The following CDK14 variants were observed in gnomAD, a reference collection of about 807,000 sequenced individuals.
CDK14 encodes cyclin dependent kinase 14.
In CDK14, 34 loss-of-function variants were observed where a neutral mutation model predicts 60.7. The ratio of observed to expected loss-of-function variants is 0.56; its 90% CI spans 0.43 to 0.75. The LOEUF (loss-of-function observed/expected upper bound fraction) is 0.75, where lower values mean the gene tolerates loss of function less well. Among genes scored for constraint, CDK14 ranks in the 30% least tolerant of loss-of-function variants. CDK14 has a pLI of 0.00. For missense variants in CDK14, 482 were observed against 564.1 expected, an observed-to-expected ratio of 0.85 and a Z score of 1.47; for synonymous variants, 197 against 203.7, an observed-to-expected ratio of 0.97 and a Z score of 0.28.
intron 2 of CDK14, among the ~76,000 whole-genome samples, chr7:90,663,987 C>G (rs2116511051): frequency 6.6e-6 from 1 of 151,974 alleles, no homozygotes; most frequent in South Asian, 2.1e-4. Context: ...AAAGAAACTA[C>G]CATCAGAGTG....
chr7:90,910,178 T>C (rs1792846694), intron 7 of CDK14, among the ~76,000 whole-genome samples: 1 of 152,216 alleles, frequency 6.6e-6, no homozygotes, highest in Non-Finnish European at 1.5e-5. Flanking sequence ...TTTATATCTC[T>C]GTATAACCGT....
chr7:91,147,368 T>TA (rs945214206), intron 14 of CDK14, among the ~76,000 whole-genome samples: 21 of 152,154 alleles, frequency 1.4e-4, no homozygotes, highest in African/African-American at 5.1e-4. Flanking sequence ...TAGTTACTTT[T>TA]AACACTTCTC....
chr7:90,850,542 A>G (rs1790615719), intron 5 of CDK14, among the ~76,000 whole-genome samples: 1 of 152,176 alleles, frequency 6.6e-6, no homozygotes, highest in Non-Finnish European at 1.5e-5. Context: ...TTCCAAAGAA[A>G]ATGATAACTA....
chr7:90,935,798 C>G (rs1793735336), intron 8 of CDK14, among the ~76,000 whole-genome samples: 2 of 152,114 alleles, frequency 1.3e-5, no homozygotes, highest in African/African-American at 4.8e-5. Flanking sequence ...CCTGTAATCC[C>G]AGTGCTTTGG....
chr7:90,604,748 C>T (rs985863957), intron 2 of CDK14, among the ~76,000 whole-genome samples: 8 of 152,162 alleles, frequency 5.3e-5, no homozygotes, highest in Non-Finnish European at 5.9e-5. Flanking sequence ...ATCTACTTGC[C>T]ACAAAGTAGT....
At chr7:90,850,606 A>G (rs1790618356) in intron 5 of CDK14, among the ~76,000 whole-genome samples, 1 of 152,184 alleles carries the variant, frequency 6.6e-6, no homozygotes, top group Admixed American at 6.5e-5. Context: ...GCTGTGGAAG[A>G]GGGAACAGAA....
At chr7:90,609,100 C>T (rs1385507583) in intron 2 of CDK14, among the ~76,000 whole-genome samples, 2 of 152,136 alleles carry the variant, frequency 1.3e-5, no homozygotes, top group African/African-American at 4.8e-5. Context: ...CATCGCGGCT[C>T]ACTGCAGCCT....
intron 7 of CDK14, among the ~76,000 whole-genome samples, chr7:90,900,592 C>T (rs1792476293): frequency 6.6e-6 from 1 of 152,104 alleles, no homozygotes; most frequent in African/African-American, 2.4e-5. Flanking sequence ...GCTTTGAAAT[C>T]AATAGTACAA....
intron 9 of CDK14, among the ~76,000 whole-genome samples, chr7:90,981,285 T>C (rs1351157466): frequency 2.6e-5 from 4 of 152,342 alleles, no homozygotes; most frequent in Middle Eastern, 3.4e-3. Context: ...TCTAATATCT[T>C]AATAAAATAA....
chr7:91,051,452 C>T (rs753112576), intron 11 of CDK14, among the ~76,000 whole-genome samples: 53 of 152,088 alleles, frequency 3.5e-4, no homozygotes, highest in Admixed American at 2.9e-3. Context: ...TTTCCCTTAC[C>T]CTCAGGGTTC....
chr7:91,063,036 A>G (rs1243457345), intron 11 of CDK14, among the ~76,000 whole-genome samples: 1 of 152,222 alleles, frequency 6.6e-6, no homozygotes, highest in Non-Finnish European at 1.5e-5. Flanking sequence ...ACCACTGTTT[A>G]TGCAAACTGT....
rs1015164394 is a variant in CDK14, at chr7:91,032,892, T to C, written c.1042-13005T>C. Among the ~76,000 whole-genome samples, 10 of 152,368 alleles carry C rather than the reference T, an allele frequency of 6.6e-5. No homozygotes were observed. The East Asian group carries it at 1.5e-3, about 23-fold the overall frequency. On this transcript the variant is annotated intron_variant, in intron 10 of 14. Transcript: ENST00000380050. The stretch of plus-strand genomic sequence containing the variant: ...AACACAATTGAGGATGTCAAGCTTT[T>C]GAAGTGTTCTGAATCAATTCAATAA...
intron 3 of CDK14, among the ~76,000 whole-genome samples, chr7:90,745,657 G>C (rs1478596637): frequency 1.3e-5 from 2 of 152,068 alleles, no homozygotes; most frequent in Non-Finnish European, 2.9e-5. Context: ...CTCGTTATCT[G>C]CCTGCCTCTG....
intron 2 of CDK14, among the ~76,000 whole-genome samples, chr7:90,636,596 T>C (rs1456188276): frequency 2.0e-5 from 3 of 151,742 alleles, no homozygotes; most frequent in African/African-American, 7.3e-5. Flanking sequence ...TAAAATTCTC[T>C]TTTTTGGTTG....
chr7:90,737,654 A>G (rs1803178422), intron 3 of CDK14, among the ~76,000 whole-genome samples: 1 of 152,220 alleles, frequency 6.6e-6, no homozygotes, highest in South Asian at 2.1e-4. Flanking sequence ...GTGTGGCTGT[A>G]ATAGGGCTAT....
intron 4 of CDK14, among the ~76,000 whole-genome samples, chr7:90,761,843 G>C (rs1562757342): frequency 6.6e-6 from 1 of 152,184 alleles, no homozygotes; most frequent in African/African-American, 2.4e-5. Context: ...TTTTGAGGTT[G>C]TAGTAACTCT....
At chr7:91,016,844 A>G (rs369321536) in intron 10 of CDK14, among the ~76,000 whole-genome samples, 1 of 152,344 alleles carries the variant, frequency 6.6e-6, no homozygotes, top group African/African-American at 2.4e-5. Flanking sequence ...AGCATTGTCT[A>G]TAGTAACTTC....
intron 11 of CDK14, among the ~76,000 whole-genome samples, chr7:91,058,689 T>TAC (rs1188582981): frequency 6.6e-6 from 1 of 152,252 alleles, no homozygotes; most frequent in Non-Finnish European, 1.5e-5. Context: ...TGGTTCTGTT[T>TAC]ATATGCTGGA....
chr7:91,153,835 C>T (rs982101504), intron 14 of CDK14, among the ~76,000 whole-genome samples: 28 of 152,074 alleles, frequency 1.8e-4, no homozygotes, highest in African/African-American at 6.3e-4. Context: ...TCCCATGACA[C>T]GAGCTTACCT....
Sources: allele counts gnomAD v4.1 joint callset (sites outside exome capture counted in the v4.1 genomes callset), GRCh38; gene constraint gnomAD v4.1.1; transcripts MANE v1.5; gene names NCBI Gene and HGNC (gene_info 2026-07-23, HGNC 2026-07-21).